Variants in CCNT2 observed in about 807,000 individuals in gnomAD.
CCNT2 encodes the protein cyclin T2, also known as cyclin-T2.
CCNT2 carries 18 observed loss-of-function variants against 70.0 expected under a neutral mutation model. The observed-to-expected ratio is 0.26, with a 90% CI of 0.18 to 0.38. The LOEUF (loss-of-function observed/expected upper bound fraction) is 0.38, where lower values mean the gene tolerates loss of function less well. Ranked by LOEUF, CCNT2 falls within the 10% of genes least tolerant of loss-of-function variation. CCNT2 has a pLI of 1.00. For missense variants in CCNT2, 734 were observed against 890.2 expected (o/e 0.82, Z 2.23); for synonymous variants, 334 against 313.3 (o/e 1.07, Z -0.70).
Position 134,956,564 on chromosome 2 carries a change from G to A in CCNT2, c.*1916G>A, listed in dbSNP as rs942120481. On this transcript the variant is annotated 3_prime_UTR_variant, in exon 9 of 9. Transcript: ENST00000264157. The stretch of plus-strand genomic sequence containing the variant: ...TATAGAATTAAGCTGAGTGCAAGAT[G>A]AGGGAGGGAAGGGCTTTCTTGGTAA... The A allele has an allele frequency of 2.0e-5, 3 of 152,524 alleles. No individual in the cohort carries two copies. Among genetic ancestry groups the A allele is most frequent in the African/African-American group, 7.2e-5 (3 of 41,430 alleles). The allele number at this position is 152,524 out of a possible 1,614,324, so 9.4% of individuals were successfully genotyped here. A position where few individuals can be genotyped will look rare whatever the true frequency, so the allele number is the denominator to read the frequency against.
chr2:134,939,631 A>AT (rs1450836258), intron 4 of CCNT2, among the ~76,000 whole-genome samples: 1 of 151,706 alleles, frequency 6.6e-6, no homozygotes, highest in African/African-American at 2.4e-5. Flanking sequence ...ACACCTGGTT[A>AT]TTTTTTTGTA....
At position 134,953,824 on chromosome 2, in the gene CCNT2, A is replaced by G; in HGVS notation, c.1369A>G (p.Ile457Val). 1.2e-6 allele frequency: 2 copies of G among 1,614,084 alleles called. No homozygotes were observed. Among genetic ancestry groups the G allele is most frequent in the Non-Finnish European group, 1.7e-6 (2 of 1,179,930 alleles). ...TLDLDVRDHY[I>V]AAQVEQQHKQ... The stretch of plus-strand genomic sequence containing the variant: ...TGATCTCGATGTAAGGGATCATTAT[A>G]TAGCTGCCCAGGTAGAACAGCAGCA... The change falls in exon 9 of 9, where the codon ATA becomes GTA. Residue 457 changes from isoleucine (I) to valine (V), a missense_variant. Around this residue, in one of 3 missense-constraint regions of CCNT2, gnomAD observed 532 missense variants for 556.9 expected, o/e 0.96. Transcript: ENST00000264157.
At chr2:134,922,672 A>C (rs2105010940) in intron 2 of CCNT2, among the ~76,000 whole-genome samples, 1 of 152,336 alleles carries the variant, frequency 6.6e-6, no homozygotes, top group African/African-American at 2.4e-5. Context: ...AAAGCCCTGG[A>C]GCCAAAAGTG....
In CCNT2 at chr2:134,940,396, A is replaced by G. The variant is rs529578937; in HGVS notation, c.430+1334A>G. Among the ~76,000 whole-genome samples the G allele has an allele frequency of 3.3e-5, 5 of 152,116 alleles. No homozygotes were observed. In the East Asian group the frequency reaches 7.7e-4, roughly 23 times the overall value. ...TCATGAATGCATAAACTATATATAG[A>G]TATTAGTCTATTTTATCATTTACTG... On this transcript the variant is annotated intron_variant, in intron 4 of 8. Transcript: ENST00000264157.
chr2:134,934,133 A>G (rs1386027011), intron 2 of CCNT2, among the ~76,000 whole-genome samples: 3 of 152,254 alleles, frequency 2.0e-5, no homozygotes, highest in African/African-American at 7.2e-5. Context: ...TATATCTGCT[A>G]GAGTAACAAA....
In CCNT2 at chr2:134,919,807, C is replaced by T. The variant is rs763964786; in HGVS notation, c.159-3C>T. 3.0e-5 allele frequency: 48 copies of T among 1,600,762 alleles called. No homozygotes were observed. Among genetic ancestry groups the T allele is most frequent in the South Asian group, 2.2e-4 (20 of 89,524 alleles). On this transcript the variant is annotated splice_region_variant and splice_polypyrimidine_tract_variant and intron_variant, in intron 1 of 8. Coordinates refer to ENST00000264157, the MANE Select transcript of CCNT2 (RefSeq NM_058241.3). ...CAGATATTTCCTAAATATTACGTTC[C>T]AGCTCTCAGCTTACAATAAACACTG...
chr2:134,954,986 A>G lies in CCNT2; in HGVS notation c.*338A>G. 4.9e-6 allele frequency: 1 copy of G among 204,820 alleles called. No homozygotes were observed. The highest frequency in any genetic ancestry group is 1.0e-5 in the Non-Finnish European group (1 of 99,912). 12.7% of individuals were successfully genotyped at this position (204,820 alleles called of 1,614,324 possible). On this transcript the variant is annotated 3_prime_UTR_variant, in exon 9 of 9. Transcript: ENST00000264157. Reference sequence around the variant, plus strand: ...TATTTATGATTTGAATACTGTAGCTATTTTTTGTTGCTTGGCTTTTGAATG... The same window carrying G: ...TATTTATGATTTGAATACTGTAGCTGTTTTTTGTTGCTTGGCTTTTGAATG...
At chr2:134,935,978 C>T (rs1470295333) in intron 2 of CCNT2, among the ~76,000 whole-genome samples, 1 of 151,788 alleles carries the variant, frequency 6.6e-6, no homozygotes, top group Non-Finnish European at 1.5e-5. Flanking sequence ...TTACTTTGCC[C>T]TCTAGGTGGT....
At position 134,947,611 on chromosome 2, in the gene CCNT2, G is replaced by A. The variant is rs997154584; in HGVS notation, c.540-125G>A. 5.5e-6 allele frequency: 3 copies of A among 546,928 alleles called. No individual in the cohort carries two copies. The African/African-American group carries it at 5.9e-5, about 11-fold the overall frequency. 33.9% of individuals were successfully genotyped at this position (546,928 alleles called of 1,614,324 possible). Reference sequence around the variant, plus strand: ...CTTAGCTTTTAATTTAATAAAATAAGGTTTTATACTCTAGACTTAAAGATA... The same window carrying A: ...CTTAGCTTTTAATTTAATAAAATAAAGTTTTATACTCTAGACTTAAAGATA... On this transcript the variant is annotated intron_variant, in intron 6 of 8. Transcript: ENST00000264157.
chr2:134,953,087 CA>C, intron 8 of CCNT2, 142 bp from the exon 9 acceptor site: 1 of 588,672 alleles, frequency 1.7e-6, no homozygotes, highest in Non-Finnish European at 2.9e-6. Flanking sequence ...TATTTACTGA[CA>C]ACATAAAATC....
chr2:134,920,036 G>A (rs1213589995), intron 2 of CCNT2, 145 bp downstream of exon 2: 2 of 551,452 alleles, frequency 3.6e-6, no homozygotes, highest in Non-Finnish European at 6.4e-6. Flanking sequence ...TGCTTCAGAT[G>A]CGGTGTTTTT....
intron 3 of CCNT2, among the ~76,000 whole-genome samples, chr2:134,938,511 T>C (rs41528649): frequency 6.6e-6 from 1 of 152,202 alleles, no homozygotes; most frequent in Non-Finnish European, 1.5e-5. Flanking sequence ...TTTGGTATGT[T>C]TGGTCATTTC....
intron 7 of CCNT2, among the ~76,000 whole-genome samples, chr2:134,949,807 G>T (rs542487617): frequency 1.4e-4 from 19 of 137,578 alleles, no homozygotes; most frequent in East Asian, 7.3e-4. Flanking sequence ...TTTTTCGGGG[G>T]GGGGGTGGGG....
chr2:134,950,784 T>C (rs1426910322), intron 7 of CCNT2, among the ~76,000 whole-genome samples: 1 of 152,258 alleles, frequency 6.6e-6, no homozygotes, highest in Non-Finnish European at 1.5e-5. Flanking sequence ...GAAGGGCCTC[T>C]ATTTTAGGCA....
chr2:134,944,581 A>G (rs1305859706), intron 5 of CCNT2: 2 of 975,618 alleles, frequency 2.0e-6, no homozygotes, highest in African/African-American at 3.5e-5. Context: ...TTGATATGTC[A>G]TCCAAAACAA....
At chr2:134,932,538 C>G (rs1042653246) in intron 2 of CCNT2, among the ~76,000 whole-genome samples, 2 of 152,088 alleles carry the variant, frequency 1.3e-5, no homozygotes, top group Non-Finnish European at 2.9e-5. Flanking sequence ...ATCTTAACAT[C>G]CAGCTTGAAG....
At chr2:134,952,750 T>C (rs200922251) in intron 8 of CCNT2, 39 bp downstream of exon 8, 7 of 1,433,782 alleles carry the variant, frequency 4.9e-6, no homozygotes, top group Non-Finnish European at 6.9e-6. Flanking sequence ...TTTCAGTCTT[T>C]TATGTAACAT....
Position 134,957,183 on chromosome 2 carries a change from A to G in CCNT2, c.*2535A>G, listed in dbSNP as rs1242692936. On this transcript the variant is annotated 3_prime_UTR_variant, in exon 9 of 9. Coordinates refer to ENST00000264157, the MANE Select transcript of CCNT2 (RefSeq NM_058241.3). ...AATTTGCTTTATCCATCTCATTTGCATAACAGTTCATCTGTCTGGTCCCAT... is the reference window on the plus strand; with the variant it reads ...AATTTGCTTTATCCATCTCATTTGCGTAACAGTTCATCTGTCTGGTCCCAT... 3.3e-5 allele frequency: 5 copies of G among 152,176 alleles called. No individual in the cohort carries two copies. The highest frequency in any genetic ancestry group is 1.2e-4 in the African/African-American group (5 of 41,460). 9.4% of individuals were successfully genotyped at this position (152,176 alleles called of 1,614,324 possible).
At chr2:134,933,086 A>T (rs1360599023) in intron 2 of CCNT2, among the ~76,000 whole-genome samples, 1 of 152,206 alleles carries the variant, frequency 6.6e-6, no homozygotes, top group African/African-American at 2.4e-5. Flanking sequence ...TAGCCTATAG[A>T]ACCTAAAGAT....
Sources: gnomAD v4.1 joint callset for allele counts (sites outside exome capture counted in the v4.1 genomes callset) on GRCh38, gnomAD v4.1.1 for gene constraint, gnomAD v4.1.1 regional missense constraint, MANE v1.5 for transcripts, NCBI Gene and HGNC (gene_info 2026-07-23, HGNC 2026-07-21) for gene names.